RABGAP1L: variants seen among roughly 807,000 people sequenced by gnomAD.
RABGAP1L encodes rab GTPase-activating protein 1-like.
In RABGAP1L, 63 loss-of-function variants were observed where a neutral mutation model predicts 137.7. The ratio of observed to expected loss-of-function variants is 0.46; its 90% CI spans 0.37 to 0.56. The LOEUF (loss-of-function observed/expected upper bound fraction) is 0.56, where lower values mean the gene tolerates loss of function less well. Ranked by LOEUF, RABGAP1L falls within the 20% of genes least tolerant of loss-of-function variation. The pLI is 0.00. For missense variants in RABGAP1L, 1,095 were observed against 1,244.0 expected, an observed-to-expected ratio of 0.88 and a Z score of 1.80; for synonymous variants, 431 against 433.7, an observed-to-expected ratio of 0.99 and a Z score of 0.08.
intron 11 of RABGAP1L, among the ~76,000 whole-genome samples, chr1:174,361,073 C>A (rs1368874182): frequency 3.3e-5 from 5 of 152,102 alleles, no homozygotes; most frequent in Admixed American, 3.3e-4. Context: ...AGGAGAATGG[C>A]ATGAACCCGG....
intron 19 of RABGAP1L, among the ~76,000 whole-genome samples, chr1:174,857,257 T>C (rs1356410353): frequency 2.4e-4 from 36 of 152,228 alleles, no homozygotes; most frequent in Admixed American, 2.4e-3. Context: ...TCCCAGGGCC[T>C]GAGAGCCGCC....
chr1:174,665,930 ATTCTT>A (rs1466368096), intron 14 of RABGAP1L, among the ~76,000 whole-genome samples: 1 of 152,262 alleles, frequency 6.6e-6, no homozygotes, highest in Non-Finnish European at 1.5e-5. Context: ...AATGCAAAGA[ATTCTT>A]TGAAAGCCAC....
intron 13 of RABGAP1L, among the ~76,000 whole-genome samples, chr1:174,395,838 T>TA (rs59466961): frequency 0.35 from 44,361 of 125,684 alleles, 10,921 homozygotes; most frequent in African/African-American, 0.71. Context: ...ACCCTGTCTC[T>TA]AAAAAAAAAA....
intron 11 of RABGAP1L, among the ~76,000 whole-genome samples, chr1:174,310,600 T>C (rs1678736792): frequency 6.6e-6 from 1 of 152,214 alleles, no homozygotes; most frequent in African/African-American, 2.4e-5. Context: ...AATGTCTGCT[T>C]TATATATAGG....
rs777012255 is a variant in RABGAP1L at position 174,885,228 on chromosome 1, T to G, written c.2341-72229T>G. On this transcript the variant is annotated intron_variant, in intron 19 of 25. Coordinates refer to ENST00000681986, the MANE Select transcript of RABGAP1L (RefSeq NM_001366446.1). ...TTCTTTAACTCTTACAGAATCATGT[T>G]AGTAGTACCTGTAAGATTAAATCAA... 1.4e-4 allele frequency among the ~76,000 whole-genome samples: 21 copies of G among 152,232 alleles called. 1 individual carries two copies. Among genetic ancestry groups the G allele is most frequent in the Admixed American group, 9.8e-4 (15 of 15,284 alleles).
chr1:174,393,196 G>T (rs1647367009), intron 12 of RABGAP1L, among the ~76,000 whole-genome samples: 1 of 152,150 alleles, frequency 6.6e-6, no homozygotes, highest in South Asian at 2.1e-4. Context: ...TGGAGTTGTT[G>T]TGTAGGTTCT....
chr1:174,892,658 C>T, intron 19 of RABGAP1L: 1 of 535,166 alleles, frequency 1.9e-6, no homozygotes, highest in Non-Finnish European at 3.7e-6. Context: ...AGCTGATCCA[C>T]TTTGGGATGG....
chr1:174,316,242 G>A (rs1679367222), intron 11 of RABGAP1L, among the ~76,000 whole-genome samples: 1 of 152,160 alleles, frequency 6.6e-6, no homozygotes, highest in African/African-American at 2.4e-5. Flanking sequence ...GGTCCCTGGT[G>A]TCTTATTGAG....
At chr1:174,168,542 G>A (rs1048174074) in intron 1 of RABGAP1L, among the ~76,000 whole-genome samples, 3 of 151,726 alleles carry the variant, frequency 2.0e-5, no homozygotes, top group Admixed American at 1.3e-4. Context: ...GGTCATATTT[G>A]GACTAATGTT....
intron 13 of RABGAP1L, among the ~76,000 whole-genome samples, chr1:174,615,629 G>A (rs1671759729): frequency 6.6e-6 from 1 of 152,364 alleles, no homozygotes; most frequent in African/African-American, 2.4e-5. Context: ...GGACATTTAA[G>A]TCTGTGGAGG....
At chr1:174,334,704 T>C (rs989107677) in intron 11 of RABGAP1L, among the ~76,000 whole-genome samples, 17 of 152,178 alleles carry the variant, frequency 1.1e-4, no homozygotes, top group Non-Finnish European at 2.2e-4. Context: ...TTCTCTCCCC[T>C]TTTTCCAGTC....
chr1:174,943,661 T>C (rs1033979245), intron 19 of RABGAP1L, among the ~76,000 whole-genome samples: 20 of 150,066 alleles, frequency 1.3e-4, no homozygotes, highest in African/African-American at 4.4e-4. Context: ...TGGTGAAACC[T>C]GGTCTCTACT....
chr1:174,651,850 T>G (rs1265788972), intron 14 of RABGAP1L, among the ~76,000 whole-genome samples: 1 of 152,188 alleles, frequency 6.6e-6, no homozygotes, highest in Non-Finnish European at 1.5e-5. Flanking sequence ...AAGTTAATAT[T>G]GTTATGTGTG....
intron 13 of RABGAP1L, among the ~76,000 whole-genome samples, chr1:174,494,406 T>C (rs1266804150): frequency 6.6e-6 from 1 of 152,208 alleles, no homozygotes; most frequent in African/African-American, 2.4e-5. Flanking sequence ...ATTGTTGTTG[T>C]TTTATTAGGG....
At position 174,944,679 on chromosome 1, in the gene RABGAP1L, C is replaced by G. The variant is rs536770450; in HGVS notation, c.2341-12778C>G. On this transcript the variant is annotated intron_variant, in intron 19 of 25. Coordinates refer to ENST00000681986, the MANE Select transcript of RABGAP1L (RefSeq NM_001366446.1). ...AAAAAAAAAAAGTCAGTGCAATCTT[C>G]ATGCAATTTAATATTGCTAGTGATG... Among the ~76,000 whole-genome samples, 5 of 150,042 alleles carry G rather than the reference C, an allele frequency of 3.3e-5. No homozygotes were observed. In the South Asian group the frequency reaches 1.1e-3, roughly 32 times the overall value.
intron 11 of RABGAP1L, among the ~76,000 whole-genome samples, chr1:174,349,461 C>T (rs1269800041): frequency 7.6e-6 from 1 of 132,186 alleles, no homozygotes; most frequent in African/African-American, 2.9e-5. Context: ...GTGGGGCTGA[C>T]CCCCCCACCT....
chr1:174,218,279 T>G (rs567293658), intron 1 of RABGAP1L, among the ~76,000 whole-genome samples: 1 of 152,296 alleles, frequency 6.6e-6, no homozygotes, highest in South Asian at 2.1e-4. Flanking sequence ...ATTTGCTCCC[T>G]TTTTATTTGT....
Position 174,209,826 on chromosome 1 carries a change from A to G in RABGAP1L, c.-33-9299A>G, listed in dbSNP as rs531898699. On this transcript the variant is annotated intron_variant, in intron 1 of 25. Transcript: ENST00000681986. ...GCTGTCCTGACTTTAGGTTTGACTC[A>G]GTGCAGTTTCAGTGGTGGTGAAACA... Among the ~76,000 whole-genome samples the G allele has an allele frequency of 8.5e-5, 13 of 152,326 alleles. No individual in the cohort carries two copies. The South Asian group carries it at 2.7e-3, about 32-fold the overall frequency.
chr1:174,427,021 C>G (rs1412580545), intron 13 of RABGAP1L, among the ~76,000 whole-genome samples: 1 of 152,004 alleles, frequency 6.6e-6, no homozygotes, highest in African/African-American at 2.4e-5. Flanking sequence ...CTGAAAAAAT[C>G]TAGAGCATAG....
Sources: gnomAD v4.1 joint callset for allele counts (sites outside exome capture counted in the v4.1 genomes callset) on GRCh38, gnomAD v4.1.1 for gene constraint, MANE v1.5 for transcripts, NCBI Gene and HGNC (gene_info 2026-07-23, HGNC 2026-07-21) for gene names.